CLASP2: variants seen among roughly 807,000 people sequenced by gnomAD.
CLASP2 encodes the protein CLIP-associating protein 2.
Under a neutral mutation model 194.4 loss-of-function variants are expected in CLASP2, and 47 were observed. That is an observed-to-expected ratio of 0.24 (90% CI 0.19 to 0.31). CLASP2 has a LOEUF of 0.31. CLASP2 is among the 10% of genes least tolerant of loss of function. The probability of loss-of-function intolerance (pLI) is 1.00; values close to 1 mark genes in which losing one functional copy is unlikely to be tolerated. For synonymous variants in CLASP2, 619 were observed against 633.5 expected (o/e 0.98, Z 0.34); for missense variants, 1,445 against 1,823.6 (o/e 0.79, Z 3.78).
intron 31 of CLASP2, 61 bp downstream of exon 31, chr3:33,544,637 G>T: frequency 6.9e-7 from 1 of 1,457,974 alleles, no homozygotes; most frequent in Non-Finnish European, 9.3e-7. Flanking sequence ...ATAAAAGAAA[G>T]CAATTATTAT....
chr3:33,662,433 T>C (rs561365779), intron 7 of CLASP2, among the ~76,000 whole-genome samples: 1 of 152,312 alleles, frequency 6.6e-6, no homozygotes, highest in African/African-American at 2.4e-5. Flanking sequence ...ACACTTTCTA[T>C]TCAGAGAAGT....
intron 18 of CLASP2, 60 bp downstream of exon 18, chr3:33,602,892 T>C: frequency 2.7e-6 from 4 of 1,458,608 alleles, no homozygotes; most frequent in Non-Finnish European, 3.8e-6. Context: ...GTATATGAAC[T>C]TGTCTTCACA....
At chr3:33,529,427 A>G in intron 34 of CLASP2, among the ~76,000 whole-genome samples, 1 of 152,218 alleles carries the variant, frequency 6.6e-6, no homozygotes, top group Non-Finnish European at 1.5e-5. Context: ...AGACTATACT[A>G]CAAGGATACA....
At chr3:33,658,518 C>G (rs536231886) in intron 7 of CLASP2, among the ~76,000 whole-genome samples, 9 of 152,168 alleles carry the variant, frequency 5.9e-5, no homozygotes, top group Admixed American at 5.9e-4. Flanking sequence ...AAAATAATGC[C>G]CATGGCAAGC....
chr3:33,655,979 C>T (rs2084129013), intron 7 of CLASP2, among the ~76,000 whole-genome samples: 2 of 152,152 alleles, frequency 1.3e-5, no homozygotes, highest in Admixed American at 1.3e-4. Context: ...CTCTTGCCCG[C>T]TTTTTGAGGC....
intron 12 of CLASP2, among the ~76,000 whole-genome samples, chr3:33,616,574 C>A (rs1414822443): frequency 1.3e-5 from 2 of 151,866 alleles, no homozygotes; most frequent in African/African-American, 4.8e-5. Flanking sequence ...AACATCTATT[C>A]CTGATCAAAC....
chr3:33,608,612 A>G lies in CLASP2; in HGVS notation c.1403T>C (p.Phe468Ser). ...SVPVRRRSFE[F>S]LDLLLQEWQT... ...CCACTCTTGCAACAATAAATCTAAA[A>G]ATTCAAATGAACGTCTGAAAAATAA... Residue 468 changes from phenylalanine to serine, a missense_variant, in exon 14 of 39, where the codon TTT becomes TCT. Transcript: ENST00000682230. 1 of 1,609,634 alleles carries G rather than the reference A, an allele frequency of 6.2e-7. No homozygotes were observed. The highest frequency in any genetic ancestry group is 8.5e-7 in the Non-Finnish European group (1 of 1,177,462).
At chr3:33,558,133 A>G (rs1397638749) in intron 29 of CLASP2, among the ~76,000 whole-genome samples, 1 of 152,158 alleles carries the variant, frequency 6.6e-6, no homozygotes, top group African/African-American at 2.4e-5. Flanking sequence ...TGAATGCCTG[A>G]CTGTTCCTCT....
chr3:33,521,247 G>C, intron 34 of CLASP2, among the ~76,000 whole-genome samples: 1 of 152,134 alleles, frequency 6.6e-6, no homozygotes, highest in Non-Finnish European at 1.5e-5. Context: ...CTAAATAAAT[G>C]AATTCAAGTT....
chr3:33,695,409 C>T (rs915239704), intron 2 of CLASP2, among the ~76,000 whole-genome samples: 1 of 151,534 alleles, frequency 6.6e-6, no homozygotes, highest in Middle Eastern at 3.4e-3. Flanking sequence ...AAAAAAAAAT[C>T]TTTTCAGAAA....
At position 33,717,982 on chromosome 3, in the gene CLASP2, C is replaced by T. The variant is rs112019256; in HGVS notation, c.21G>A (p.Glu7=). 2,432 of 1,530,514 alleles carry T rather than the reference C, an allele frequency of 1.6e-3. 23 individuals are homozygous for T. In the African/African-American group the frequency reaches 0.025, roughly 16 times the overall value. The allele number at this position is 1,530,514 out of a possible 1,614,324, so 94.8% of individuals were successfully genotyped here. The change falls in exon 1 of 39, where the codon GAG becomes GAA. Residue 7 remains glutamate (E), a synonymous_variant. Coordinates refer to ENST00000682230, the MANE Select transcript of CLASP2 (RefSeq NM_001365631.1). MEPRSM[E]YFCAQVQQKD... is the part of the protein sequence containing the mutation. Reference sequence around the variant, plus strand: ...TCTGCTGCACCTGGGCGCAGAAGTACTCCATGCTGCGGGGCTCCATGGCTG... The same window carrying T: ...TCTGCTGCACCTGGGCGCAGAAGTATTCCATGCTGCGGGGCTCCATGGCTG...
At chr3:33,574,493 A>G in intron 24 of CLASP2, 1 of 1,508,908 alleles carries the variant, frequency 6.6e-7, no homozygotes. Flanking sequence ...ATGTCTCCTA[A>G]GAGCTGAGAG....
intron 24 of CLASP2, 146 bp downstream of exon 24, chr3:33,576,023 T>C: frequency 1.6e-6 from 1 of 613,426 alleles, no homozygotes; most frequent in Non-Finnish European, 2.9e-6. Flanking sequence ...TTAATTATAT[T>C]CTGCTTTTTA....
intron 34 of CLASP2, among the ~76,000 whole-genome samples, chr3:33,534,953 A>G (rs1369128556): frequency 6.6e-6 from 1 of 152,138 alleles, no homozygotes; most frequent in African/African-American, 2.4e-5. Flanking sequence ...CTAGAGGTAA[A>G]GTAAATTTAT....
At chr3:33,647,757 G>A (rs542975593) in intron 7 of CLASP2, among the ~76,000 whole-genome samples, 2 of 152,122 alleles carry the variant, frequency 1.3e-5, no homozygotes, top group Non-Finnish European at 1.5e-5. Context: ...TAAGTAGGCC[G>A]GGCGCGGTGG....
chr3:33,566,718 T>C lies in CLASP2; in HGVS notation c.2766+14A>G, dbSNP rs1054866465. 1.6e-5 allele frequency: 7 copies of C among 449,908 alleles called. No homozygotes were observed. The highest frequency in any genetic ancestry group is 4.9e-5 in the Admixed American group (2 of 41,200). 27.9% of individuals were successfully genotyped at this position (449,908 alleles called of 1,614,324 possible). On this transcript the variant is annotated intron_variant, in intron 27 of 38. Coordinates refer to ENST00000682230, the MANE Select transcript of CLASP2 (RefSeq NM_001365631.1). The stretch of plus-strand genomic sequence containing the variant: ...AGTAAAGTTAGGTTTCCAACAAATA[T>C]TGAACCAACTTACTCTCTATTGAGA...
chr3:33,611,926 T>C lies in CLASP2; in HGVS notation c.1388+75A>G, dbSNP rs1454173453. Reference sequence around the variant, plus strand: ...AGGCAAGAAATGAATGACCAATTCTTGCAGCAGACAAATAATTAAACAATG... The same window carrying C: ...AGGCAAGAAATGAATGACCAATTCTCGCAGCAGACAAATAATTAAACAATG... On this transcript the variant is annotated intron_variant, in intron 13 of 38. Transcript: ENST00000682230. 7 of 1,029,720 alleles carry C rather than the reference T, an allele frequency of 6.8e-6. No individual in the cohort carries two copies. The East Asian group carries it at 1.5e-4, about 22-fold the overall frequency. The allele number at this position is 1,029,720 out of a possible 1,614,324, so 63.8% of individuals were successfully genotyped here. A position where few individuals can be genotyped will look rare whatever the true frequency, so the allele number is the denominator to read the frequency against.
chr3:33,606,377 T>C (rs2073858367), intron 16 of CLASP2, among the ~76,000 whole-genome samples: 1 of 152,072 alleles, frequency 6.6e-6, no homozygotes, highest in African/African-American at 2.4e-5. Flanking sequence ...TGAAGCAAAA[T>C]ATGAATCATA....
chr3:33,586,509 T>C (rs2067405321), intron 21 of CLASP2, among the ~76,000 whole-genome samples: 1 of 152,124 alleles, frequency 6.6e-6, no homozygotes, highest in Non-Finnish European at 1.5e-5. Context: ...GTAAAATCTT[T>C]TCAGAGACTG....
Sources: gnomAD v4.1 joint callset for allele counts (sites outside exome capture counted in the v4.1 genomes callset) on GRCh38, gnomAD v4.1.1 for gene constraint, MANE v1.5 for transcripts, NCBI Gene and HGNC (gene_info 2026-07-23, HGNC 2026-07-21) for gene names.